Variants in AVL9 observed in about 807,000 individuals in gnomAD.
The protein encoded by AVL9 is AVL9 cell migration associated.
In AVL9, 49 loss-of-function variants were observed where a neutral mutation model predicts 79.2. The ratio of observed to expected loss-of-function variants is 0.62; its 90% CI spans 0.49 to 0.79. The LOEUF is 0.79. Ranked by LOEUF, AVL9 falls within the 30% of genes least tolerant of loss-of-function variation. AVL9 has a pLI of 0.00. For missense variants in AVL9, 682 were observed against 776.8 expected (o/e 0.88, Z 1.45); for synonymous variants, 299 against 280.6 (o/e 1.07, Z -0.65).
chr7:32,496,158 C>T (rs1449926048), intron 1 of AVL9, among the ~76,000 whole-genome samples: 2 of 152,242 alleles, frequency 1.3e-5, no homozygotes, highest in Non-Finnish European at 2.9e-5. Context: ...TTCTGGGTGT[C>T]CACCTATAAT....
intron 2 of AVL9, 116 bp from the exon 3 acceptor site, chr7:32,544,578 T>C (rs1227190770): frequency 1.5e-6 from 1 of 682,946 alleles, no homozygotes; most frequent in Non-Finnish European, 2.5e-6. Flanking sequence ...TGATTTGGAT[T>C]CCTTGTTTTA....
rs957549367 is a variant in AVL9, at chr7:32,558,587, A to C, written c.638A>C (p.Lys213Thr). ...CTTTTTTATATTTCTCCAGTGAATA[A>C]ATTGGTGGGTGCACTGATGACTGTG... Reference protein sequence around the residue: ...KVLFYISPVNKLVGALMTVLS... With the variant: ...KVLFYISPVNTLVGALMTVLS... The change falls in exon 9 of 16, where the codon AAA becomes ACA. Residue 213 changes from lysine (K) to threonine (T), a missense_variant. Lys to Thr is a moderately conservative substitution (Grantham distance 78). Transcript: ENST00000318709. The C allele has an allele frequency of 1.9e-6, 3 of 1,612,454 alleles. No homozygotes were observed. Among genetic ancestry groups the C allele is most frequent in the African/African-American group, 2.7e-5 (2 of 74,804 alleles).
chr7:32,576,527 T>C (rs1316277485), intron 13 of AVL9, among the ~76,000 whole-genome samples: 1 of 152,212 alleles, frequency 6.6e-6, no homozygotes, highest in Non-Finnish European at 1.5e-5. Context: ...CTCATGCCTG[T>C]AATCCCAACA....
chr7:32,544,701 G>A lies in AVL9; in HGVS notation c.222G>A (p.Val74=). The A allele has an allele frequency of 6.2e-7, 1 of 1,612,996 alleles. No homozygotes were observed. The highest frequency in any genetic ancestry group is 1.3e-5 in the African/African-American group (1 of 75,006). The change falls in exon 3 of 16, where the codon GTG becomes GTA. Residue 74 remains valine, a synonymous_variant. Coordinates refer to ENST00000318709, the MANE Select transcript of AVL9 (RefSeq NM_015060.3). ...TTTCTATGTATCTCTTAGATACTGT[G>A]TTTTTTCACTTGCCACCCAGAAATG... ...DGAHNYQEDT[V]FFHLPPRNGN... is the part of the protein sequence containing the mutation.
At position 32,558,980 on chromosome 7, in the gene AVL9, G is replaced by A; in HGVS notation, c.731G>A (p.Ser244Asn). ...SDCSQYRPRK[S>N]MSEDGGLQES... ...TGTTCTCAGTATAGACCCCGGAAAA[G>A]TATGTCTGAAGATGGTGGGCTTCAG... The change falls in exon 10 of 16, where the codon AGT becomes AAT. Residue 244 changes from serine to asparagine, a missense_variant. By Grantham distance (46) the Ser-to-Asn change is conservative. Coordinates refer to ENST00000318709, the MANE Select transcript of AVL9 (RefSeq NM_015060.3). 6.2e-7 allele frequency: 1 copy of A among 1,612,560 alleles called. No individual in the cohort carries two copies. The highest frequency in any genetic ancestry group is 1.7e-5 in the Admixed American group (1 of 59,916).
chr7:32,521,821 G>T (rs1788168665), intron 1 of AVL9, among the ~76,000 whole-genome samples: 1 of 152,118 alleles, frequency 6.6e-6, no homozygotes, highest in African/African-American at 2.4e-5. Context: ...TGGTTTTGTG[G>T]GCCTGGTCCA....
chr7:32,574,640 T>C (rs1294428463), intron 12 of AVL9, among the ~76,000 whole-genome samples: 4 of 152,170 alleles, frequency 2.6e-5, no homozygotes, highest in Admixed American at 6.5e-5. Context: ...CATCTAGTAA[T>C]TCATTTCATC....
chr7:32,513,444 C>T (rs890588372), intron 1 of AVL9, among the ~76,000 whole-genome samples: 1 of 152,212 alleles, frequency 6.6e-6, no homozygotes, highest in Non-Finnish European at 1.5e-5. Context: ...CTCCGCAACC[C>T]CTTGTCTTCA....
intron 1 of AVL9, among the ~76,000 whole-genome samples, chr7:32,504,969 G>A (rs1266519609): frequency 6.6e-6 from 1 of 151,958 alleles, no homozygotes; most frequent in Non-Finnish European, 1.5e-5. Context: ...CACCTCCTGG[G>A]TACAAGCGAT....
intron 1 of AVL9, among the ~76,000 whole-genome samples, chr7:32,539,449 CAGTT>C (rs34160148): frequency 0.34 from 51,816 of 151,842 alleles, 9,241 homozygotes; most frequent in Middle Eastern, 0.48. Context: ...CCTGGGTCTT[CAGTT>C]AGTTAACATC....
chr7:32,582,234 T>C (rs768335362), intron 15 of AVL9, among the ~76,000 whole-genome samples: 2 of 152,258 alleles, frequency 1.3e-5, no homozygotes, highest in Non-Finnish European at 2.9e-5. Context: ...TACAATGTGT[T>C]GTAAAAATAG....
At chr7:32,554,043 C>T (rs927631841) in intron 7 of AVL9, among the ~76,000 whole-genome samples, 3 of 152,100 alleles carry the variant, frequency 2.0e-5, no homozygotes, top group African/African-American at 7.2e-5. Flanking sequence ...GCAATTTCAT[C>T]GATCATGAGA....
chr7:32,522,331 C>T (rs1562762533), intron 1 of AVL9, among the ~76,000 whole-genome samples: 2 of 152,160 alleles, frequency 1.3e-5, no homozygotes, highest in African/African-American at 4.8e-5. Context: ...GCCACAGGGG[C>T]AGAGCTACCC....
At chr7:32,576,777 A>G (rs1310676022) in intron 13 of AVL9, among the ~76,000 whole-genome samples, 1 of 152,062 alleles carries the variant, frequency 6.6e-6, no homozygotes, top group African/African-American at 2.4e-5. Flanking sequence ...CAAGAGGGAG[A>G]CTTTGTCTCA....
chr7:32,536,436 A>C (rs1788913088), intron 1 of AVL9: 1 of 152,184 alleles, frequency 6.6e-6, no homozygotes, highest in South Asian at 2.1e-4. Context: ...GTGTGGATTA[A>C]TTTGGATATA....
chr7:32,524,346 T>C lies in AVL9; in HGVS notation c.94-18795T>C, dbSNP rs144320713. On this transcript the variant is annotated intron_variant, in intron 1 of 15. Coordinates refer to ENST00000318709, the MANE Select transcript of AVL9 (RefSeq NM_015060.3). ...GCCTGGCCAACATGGCAAAACCCCGTCTCTACTAAAATACAAAAATTAGCC... is the reference window on the plus strand; with the variant it reads ...GCCTGGCCAACATGGCAAAACCCCGCCTCTACTAAAATACAAAAATTAGCC... Among the ~76,000 whole-genome samples, 881 of 151,970 alleles carry C rather than the reference T, an allele frequency of 5.8e-3. 9 individuals are homozygous for C. Among genetic ancestry groups the C allele is most frequent in the African/African-American group, 0.02 (838 of 41,454 alleles).
At chr7:32,558,813 T>C (rs1790197643) in intron 9 of AVL9, 116 bp from the exon 10 acceptor site, 1 of 1,106,614 alleles carries the variant, frequency 9.0e-7, no homozygotes, top group Non-Finnish European at 1.3e-6. Context: ...TGTTTTTAAT[T>C]AAAATGTGTA....
At chr7:32,531,889 T>A (rs1788674579) in intron 1 of AVL9, 1 of 153,762 alleles carries the variant, frequency 6.5e-6, no homozygotes, top group Admixed American at 6.5e-5. Flanking sequence ...CATTTCGCTC[T>A]TCCATCTGCA....
chr7:32,576,794 A>T (rs1791123959), intron 13 of AVL9, among the ~76,000 whole-genome samples: 1 of 152,090 alleles, frequency 6.6e-6, no homozygotes, highest in Admixed American at 6.5e-5. Flanking sequence ...CTCAAAAGAA[A>T]AAAAAAAGTT....
Sources: gnomAD v4.1 joint callset for allele counts (sites outside exome capture counted in the v4.1 genomes callset) on GRCh38, gnomAD v4.1.1 for gene constraint, MANE v1.5 for transcripts, NCBI Gene and HGNC (gene_info 2026-07-23, HGNC 2026-07-21) for gene names.